Variants in LRRC56 observed in about 807,000 individuals in gnomAD.
The protein encoded by LRRC56 is leucine-rich repeat-containing protein 56.
A neutral mutation model predicts 47.8 loss-of-function variants in LRRC56; 41 were observed. The ratio of observed to expected loss-of-function variants is 0.86; its 90% CI spans 0.67 to 1.11. LRRC56 has a LOEUF of 1.11. Among genes scored for constraint, LRRC56 ranks in the 50% most tolerant of loss-of-function variants. The probability of loss-of-function intolerance (pLI) is 0.00; values close to 1 mark genes in which losing one functional copy is unlikely to be tolerated. For missense variants in LRRC56, 759 were observed against 704.2 expected (o/e 1.08, Z -0.88); for synonymous variants, 387 against 311.2 (o/e 1.24, Z -2.56).
the LRRC56 span, among the ~76,000 whole-genome samples, chr11:509,106 C>A: frequency 1.3e-4 from 20 of 151,190 alleles, no homozygotes; most frequent in African/African-American, 2.9e-4. Context: ...ACACACACAC[C>A]CCCAAGAAAG....
chr11:548,307 G>T (rs1321141818), intron 6 of LRRC56, among the ~76,000 whole-genome samples: 1 of 152,156 alleles, frequency 6.6e-6, no homozygotes, highest in African/African-American at 2.4e-5. Context: ...TTGAGACAGG[G>T]TCTCACTCTG....
In LRRC56 at chr11:541,453, C is replaced by G; in HGVS notation, c.178-84C>G. The G allele has an allele frequency of 5.3e-6, 4 of 761,156 alleles. No individual in the cohort carries two copies. The highest frequency in any genetic ancestry group is 8.1e-6 in the Non-Finnish European group (4 of 490,952). The allele number at this position is 761,156 out of a possible 1,614,324, so 47.2% of individuals were successfully genotyped here. ...CGTCGGTGCCTGCTCCAGCGGGAGCCCCAGAGTCCTGTAGCCAGAAGCAAG... is the reference window on the plus strand; with the variant it reads ...CGTCGGTGCCTGCTCCAGCGGGAGCGCCAGAGTCCTGTAGCCAGAAGCAAG... On this transcript the variant is annotated intron_variant, in intron 4 of 13. Transcript: ENST00000270115. The surrounding 1 kb of genome is among the most constrained non-coding windows in gnomAD (Gnocchi z 4.1).
At chr11:527,043 T>C in the LRRC56 span, among the ~76,000 whole-genome samples, 1 of 152,188 alleles carries the variant, frequency 6.6e-6, no homozygotes, top group Non-Finnish European at 1.5e-5. Flanking sequence ...GGCTCACGCC[T>C]GTAATCCCAG....
In LRRC56 at chr11:538,761, C is replaced by T. The variant is rs1851640649; in HGVS notation, c.-258C>T. On this transcript the variant is annotated 5_prime_UTR_variant, in exon 2 of 14. Transcript: ENST00000270115. Reference sequence around the variant, plus strand: ...TTCCTTCGACAAATATTTGAGCATCCCCTCCTGCGACTGTGGACAGCAGAG... The same window carrying T: ...TTCCTTCGACAAATATTTGAGCATCTCCTCCTGCGACTGTGGACAGCAGAG... 1 of 152,302 alleles carries T rather than the reference C, an allele frequency of 6.6e-6. No homozygotes were observed. Among genetic ancestry groups the T allele is most frequent in the Non-Finnish European group, 1.5e-5 (1 of 68,088 alleles). The allele number at this position is 152,302 out of a possible 1,614,324, so 9.4% of individuals were successfully genotyped here.
the LRRC56 span, among the ~76,000 whole-genome samples, chr11:530,892 G>A: frequency 1.6e-5 from 1 of 63,122 alleles, no homozygotes; most frequent in South Asian, 1.1e-3. Context: ...TGGAGAGAAG[G>A]GGGAGTGTGG....
the LRRC56 span, among the ~76,000 whole-genome samples, chr11:515,327 G>A: frequency 2.0e-5 from 3 of 152,178 alleles, no homozygotes; most frequent in Non-Finnish European, 4.4e-5. Flanking sequence ...CCTCAGACGG[G>A]ATATTTGCTA....
At chr11:530,241 AGGCAGGT>A in the LRRC56 span, among the ~76,000 whole-genome samples, 1 of 152,178 alleles carries the variant, frequency 6.6e-6, no homozygotes. Flanking sequence ...AATGACCAAG[AGGCAGGT>A]CCAGAGATAC....
At chr11:511,143 A>G in the LRRC56 span, among the ~76,000 whole-genome samples, 1 of 151,008 alleles carries the variant, frequency 6.6e-6, no homozygotes, top group Non-Finnish European at 1.5e-5. Context: ...AACACGGTAA[A>G]ACCGCGTCTC....
intron 13 of LRRC56, among the ~76,000 whole-genome samples, chr11:553,306 C>T (rs917364048): frequency 2.6e-5 from 4 of 152,150 alleles, no homozygotes; most frequent in African/African-American, 7.2e-5. Context: ...TAAGCAGGGG[C>T]GACCCCACGG....
chr11:551,340 C>G (rs1434849757), intron 9 of LRRC56, 38 bp downstream of exon 9: 1 of 1,403,082 alleles, frequency 7.1e-7, no homozygotes, highest in East Asian at 2.6e-5. Context: ...CTGCTGAGCC[C>G]CAGCTCCCCC....
the LRRC56 span, among the ~76,000 whole-genome samples, chr11:517,181 G>A: frequency 5.3e-5 from 8 of 152,360 alleles, no homozygotes; most frequent in East Asian, 3.9e-4. Flanking sequence ...GCGCAGTGGC[G>A]TGATCTCAGC....
the LRRC56 span, among the ~76,000 whole-genome samples, chr11:531,174 CGAGTGTGGTGTTCGCTGGA>C: frequency 6.9e-6 from 1 of 144,576 alleles, no homozygotes; most frequent in Non-Finnish European, 1.5e-5. Context: ...GAGAGAAGGG[CGAGTGTGGTGTTCGCTGGA>C]GAGAAGGGCG....
chr11:539,384 CTTT>C (rs35782858), intron 2 of LRRC56, among the ~76,000 whole-genome samples, 193 bp from the exon 3 acceptor site: 1 of 92,454 alleles, frequency 1.1e-5, no homozygotes, highest in Admixed American at 1.3e-4. Flanking sequence ...CGCACCCAGC[CTTT>C]TTTTTTTTTT....
At position 554,649 on chromosome 11, in the gene LRRC56, C is replaced by T. The variant is rs1307933749; in HGVS notation, c.*373C>T. 4 of 409,182 alleles carry T rather than the reference C, an allele frequency of 9.8e-6. No homozygotes were observed. In the East Asian group the frequency reaches 1.3e-4, roughly 13 times the overall value. 25.3% of individuals were successfully genotyped at this position (409,182 alleles called of 1,614,324 possible). On this transcript the variant is annotated 3_prime_UTR_variant, in exon 14 of 14. Coordinates refer to ENST00000270115, the MANE Select transcript of LRRC56 (RefSeq NM_198075.4). ...AGGGGCTGGAGCTGCGAGTCCACCACTCCCTTGCCGGCCCCAGGGTAAGAG... is the reference window on the plus strand; with the variant it reads ...AGGGGCTGGAGCTGCGAGTCCACCATTCCCTTGCCGGCCCCAGGGTAAGAG...
rs899784264 is a variant in LRRC56 at position 551,267 on chromosome 11, A to C, written c.761A>C (p.Glu254Ala). ...AGCCAGGACTGGCTTGCGGTGAAGGAGGCCATCAAGAAGGGCAACGGCCTT... is the reference window on the plus strand; with the variant it reads ...AGCCAGGACTGGCTTGCGGTGAAGGCGGCCATCAAGAAGGGCAACGGCCTT... The part of the protein sequence containing the change: ...RLSQDWLAVK[E>A]AIKKGNGLPP... The change falls in exon 9 of 14, where the codon GAG (glutamate) becomes GCG (alanine). Residue 254 changes from glutamate to alanine, a missense_variant. By Grantham distance (107) the Glu-to-Ala change is moderately radical. Coordinates refer to ENST00000270115, the MANE Select transcript of LRRC56 (RefSeq NM_198075.4). 4.6e-6 allele frequency: 7 copies of C among 1,537,420 alleles called. No individual in the cohort carries two copies. The highest frequency in any genetic ancestry group is 6.2e-6 in the Non-Finnish European group (7 of 1,137,592).
upstream of LRRC56, chr11:535,242 C>T (rs1365577419): frequency 6.7e-6 from 1 of 149,302 alleles, no homozygotes; most frequent in East Asian, 2.0e-4. Context: ...GCCGCAGCCC[C>T]CGACGCCCGC....
At chr11:518,171 AAATAAT>A in the LRRC56 span, among the ~76,000 whole-genome samples, 4 of 152,078 alleles carry the variant, frequency 2.6e-5, no homozygotes, top group South Asian at 8.3e-4. Context: ...AATAAATAAA[AAATAAT>A]AATAATAAAA....
At chr11:544,421 T>G (rs1851969754) in intron 5 of LRRC56, among the ~76,000 whole-genome samples, 1 of 152,200 alleles carries the variant, frequency 6.6e-6, no homozygotes, top group Non-Finnish European at 1.5e-5. Context: ...TGTGCTGCAT[T>G]CAGGCTGGCT....
chr11:550,205 G>C lies in LRRC56; in HGVS notation c.557G>C (p.Arg186Pro). 1 of 1,612,500 alleles carries C rather than the reference G, an allele frequency of 6.2e-7. No homozygotes were observed. The highest frequency in any genetic ancestry group is 8.5e-7 in the Non-Finnish European group (1 of 1,179,648). The change falls in exon 8 of 14, where the codon CGC becomes CCC. Residue 186 changes from arginine (R) to proline (P), a missense_variant. Coordinates refer to ENST00000270115, the MANE Select transcript of LRRC56 (RefSeq NM_198075.4). ...GTGCGCTACTTGCAGCTGTGCCCAC[G>C]CCTGGCCATGCTCACCCTGGAGGGC... The part of the protein sequence containing the change: ...GQVRYLQLCP[R>P]LAMLTLEGNL...
Sources: allele counts gnomAD v4.1 joint callset (sites outside exome capture counted in the v4.1 genomes callset), GRCh38; gene constraint gnomAD v4.1.1; non-coding constraint Gnocchi (gnomAD v3.1); transcripts MANE v1.5; gene names NCBI Gene and HGNC (gene_info 2026-07-23, HGNC 2026-07-21).